The following SCN3A variants were observed in gnomAD, a reference collection of about 807,000 sequenced individuals.
SCN3A encodes sodium voltage-gated channel alpha subunit 3.
In SCN3A, 60 loss-of-function variants were observed where a neutral mutation model predicts 187.6. That is an observed-to-expected ratio of 0.32 (90% CI 0.26 to 0.40). SCN3A has a LOEUF of 0.40. SCN3A is among the 10% of genes least tolerant of loss of function. The probability of loss-of-function intolerance (pLI) is 1.00; values close to 1 mark genes in which losing one functional copy is unlikely to be tolerated. For missense variants in SCN3A, 1,601 were observed against 2,428.2 expected (o/e 0.66, Z 7.16); for synonymous variants, 788 against 829.2 (o/e 0.95, Z 0.85).
At chr2:165,151,966 G>A (rs909281860) in intron 11 of SCN3A, among the ~76,000 whole-genome samples, 118 of 152,230 alleles carry the variant, frequency 7.8e-4, no homozygotes, top group African/African-American at 2.5e-3. Context: ...GGAATAATTA[G>A]TCTTAGAATA....
chr2:165,200,027 T>G (rs1430316857), intron 1 of SCN3A, among the ~76,000 whole-genome samples: 1 of 152,098 alleles, frequency 6.6e-6, no homozygotes, highest in Non-Finnish European at 1.5e-5. Context: ...TACCTCAAGT[T>G]ACAATTGTTC....
intron 1 of SCN3A, among the ~76,000 whole-genome samples, chr2:165,192,651 C>G (rs954156547): frequency 3.3e-5 from 5 of 152,146 alleles, no homozygotes; most frequent in South Asian, 2.1e-4. Context: ...AAGACCTCAG[C>G]CTCTGACATC....
chr2:165,148,118 A>G (rs1688462144), intron 11 of SCN3A, among the ~76,000 whole-genome samples: 2 of 147,544 alleles, frequency 1.4e-5, no homozygotes, highest in Admixed American at 6.9e-5. Context: ...AGTGACTAGT[A>G]TGTCACCTGA....
chr2:165,128,873 T>C lies in SCN3A; in HGVS notation c.2923-772A>G, dbSNP rs183223188. 2.2e-4 allele frequency among the ~76,000 whole-genome samples: 34 copies of C among 152,324 alleles called. No homozygotes were observed. The East Asian group carries it at 6.2e-3, about 28-fold the overall frequency. The stretch of plus-strand genomic sequence containing the variant: ...GAATATCATGGGATATGTGAAAAAG[T>C]TACTCAGCCAACTGATAAGTTATGG... On this transcript the variant is annotated intron_variant, in intron 17 of 27. Coordinates refer to ENST00000283254, the MANE Select transcript of SCN3A (RefSeq NM_006922.4).
In SCN3A at chr2:165,143,270, A is replaced by G. The variant is rs61458796; in HGVS notation, c.1672-2272T>C. Reference sequence around the variant, plus strand: ...ACTTGGTCTTACATTAATCCCTAGGATGGCTGAGTATAATCACCTCAATAC... The same window carrying G: ...ACTTGGTCTTACATTAATCCCTAGGGTGGCTGAGTATAATCACCTCAATAC... On this transcript the variant is annotated intron_variant, in intron 12 of 27. Coordinates refer to ENST00000283254, the MANE Select transcript of SCN3A (RefSeq NM_006922.4). Among the ~76,000 whole-genome samples, 786 of 152,282 alleles carry G rather than the reference A, an allele frequency of 5.2e-3. 2 individuals are homozygous for G. The highest frequency in any genetic ancestry group is 0.018 in the African/African-American group (751 of 41,562).
chr2:165,109,008 A>G (rs1197519260), intron 21 of SCN3A, among the ~76,000 whole-genome samples: 2 of 152,116 alleles, frequency 1.3e-5, no homozygotes, highest in Non-Finnish European at 2.9e-5. Context: ...GCCAAATCCA[A>G]ATGTCAATTT....
At chr2:165,150,467 T>G (rs936015431) in intron 11 of SCN3A, among the ~76,000 whole-genome samples, 1 of 152,224 alleles carries the variant, frequency 6.6e-6, no homozygotes, top group Admixed American at 6.5e-5. Context: ...AATAAGGAAC[T>G]AAAATGGATT....
At chr2:165,163,575 C>T (rs1294917451) in intron 7 of SCN3A, 43 bp downstream of exon 7, 1 of 1,598,860 alleles carries the variant, frequency 6.3e-7, no homozygotes, top group Non-Finnish European at 8.6e-7. Flanking sequence ...TGATTTCAAA[C>T]TCAATAATTA....
Position 165,137,880 on chromosome 2 carries a change from A to G in SCN3A, c.2390T>C (p.Leu797Pro). The part of the protein sequence containing the change: ...QFSSVLTVGN[L>P]VFTGIFTAEM... ...TAAGTAAACTTCAAATGTACTTACC[A>G]GGTTTCCTACAGTCAACACACTACT... The change falls in exon 15 of 28, where the codon CTG becomes CCG. Residue 797 changes from leucine to proline, a missense_variant and splice_region_variant. By Grantham distance (98) the Leu-to-Pro change is moderately conservative (BLOSUM62 -3). Coordinates refer to ENST00000283254, the MANE Select transcript of SCN3A (RefSeq NM_006922.4). 6.3e-7 allele frequency: 1 copy of G among 1,599,108 alleles called. No individual in the cohort carries two copies. Among genetic ancestry groups the G allele is most frequent in the Non-Finnish European group, 8.6e-7 (1 of 1,166,518 alleles).
In SCN3A at chr2:165,113,798, A is replaced by G. The variant is rs769100156; in HGVS notation, c.3669+18T>C. On this transcript the variant is annotated intron_variant, in intron 20 of 27. Coordinates refer to ENST00000283254, the MANE Select transcript of SCN3A (RefSeq NM_006922.4). The stretch of plus-strand genomic sequence containing the variant: ...ATTTCACCAGAATCTGATTCTTGCC[A>G]ATATGCATTTCACTTACCAATGCAC... 1.2e-6 allele frequency: 2 copies of G among 1,612,134 alleles called. No individual in the cohort carries two copies. Among genetic ancestry groups the G allele is most frequent in the South Asian group, 2.2e-5 (2 of 91,036 alleles).
At position 165,128,036 on chromosome 2, in the gene SCN3A, A is replaced by C; in HGVS notation, c.2988T>G (p.Asp996Glu). Residue 996 changes from aspartate to glutamate, a missense_variant, in exon 18 of 28, where the codon GAT becomes GAG. Around this residue, in one of 11 missense-constraint regions of SCN3A, gnomAD observed 267 missense variants for 313.2 expected, o/e 0.85. Transcript: ENST00000283254. ...SFSSDNLAAT[D>E]DDNEMNNLQI... ...GCAGATTATTCATTTCATTGTCATC[A>C]TCAGTAGCAGCAAGGTTGTCTGAGC... The C allele has an allele frequency of 2.5e-6, 4 of 1,613,768 alleles. No homozygotes were observed. Among genetic ancestry groups the C allele is most frequent in the Non-Finnish European group, 3.4e-6 (4 of 1,179,954 alleles).
At chr2:165,183,091 A>G (rs1301718612) in intron 2 of SCN3A, among the ~76,000 whole-genome samples, 1 of 152,220 alleles carries the variant, frequency 6.6e-6, no homozygotes, top group Non-Finnish European at 1.5e-5. Flanking sequence ...GGCAAGACTC[A>G]CACAACTACC....
At chr2:165,171,445 A>G (rs944476056) in intron 3 of SCN3A, among the ~76,000 whole-genome samples, 2 of 152,052 alleles carry the variant, frequency 1.3e-5, no homozygotes, top group African/African-American at 2.4e-5. Context: ...GTGACCCCCT[A>G]TTATGTCAGA....
At chr2:165,164,690 G>A (rs528335149) in intron 5 of SCN3A, among the ~76,000 whole-genome samples, 170 bp from the exon 6 acceptor site, 5 of 152,080 alleles carry the variant, frequency 3.3e-5, no homozygotes, top group South Asian at 2.1e-4. Context: ...ACAAGCCTGA[G>A]CAAAGAGTTA....
intron 18 of SCN3A, among the ~76,000 whole-genome samples, chr2:165,117,764 G>A (rs1686442982): frequency 6.6e-6 from 1 of 151,854 alleles, no homozygotes; most frequent in Admixed American, 6.6e-5. Flanking sequence ...TTATTAAATA[G>A]GAATGATTTA....
chr2:165,139,038 C>T (rs1293562819), intron 14 of SCN3A, among the ~76,000 whole-genome samples: 1 of 152,120 alleles, frequency 6.6e-6, no homozygotes, highest in Non-Finnish European at 1.5e-5. Flanking sequence ...TAGGATCTCT[C>T]TTGCAGTGGA....
intron 1 of SCN3A, among the ~76,000 whole-genome samples, chr2:165,191,211 C>A (rs992722750): frequency 5.9e-5 from 9 of 151,916 alleles, no homozygotes; most frequent in Non-Finnish European, 7.4e-5. Flanking sequence ...GCACCTGGAA[C>A]CTTGAAATGA....
At chr2:165,096,382 T>A (rs1685365745) in intron 24 of SCN3A, 85 bp downstream of exon 24, 1 of 1,005,054 alleles carries the variant, frequency 9.9e-7, no homozygotes, top group Admixed American at 1.8e-5. Context: ...TAATATAGAA[T>A]TTTGGATGTA....
intron 9 of SCN3A, among the ~76,000 whole-genome samples, chr2:165,159,171 G>C (rs1490955654): frequency 7.3e-6 from 1 of 137,768 alleles, no homozygotes; most frequent in Non-Finnish European, 1.5e-5. Flanking sequence ...TGTTGTTTTA[G>C]TTTGCAATTC....
Sources: gnomAD v4.1 joint callset for allele counts (sites outside exome capture counted in the v4.1 genomes callset) on GRCh38, gnomAD v4.1.1 for gene constraint, gnomAD v4.1.1 regional missense constraint, MANE v1.5 for transcripts, NCBI Gene and HGNC (gene_info 2026-07-23, HGNC 2026-07-21) for gene names.